The following EFHC2 variants were observed in gnomAD, a reference collection of about 807,000 sequenced individuals.
The protein encoded by EFHC2 is EF-hand domain-containing family member C2.
EFHC2 carries 18 observed loss-of-function variants against 52.7 expected under a neutral mutation model. The ratio of observed to expected loss-of-function variants is 0.34; its 90% confidence interval spans 0.24 to 0.51. EFHC2 has a LOEUF of 0.51. Among genes scored for constraint, EFHC2 ranks in the 20% least tolerant of loss-of-function variants. The probability of loss-of-function intolerance (pLI) is 0.97; values close to 1 mark genes in which losing one functional copy is unlikely to be tolerated. For synonymous variants in EFHC2, 203 were observed against 204.1 expected (o/e 0.99, Z 0.04); for missense variants, 513 against 562.5 (o/e 0.91, Z 0.89).
intron 2 of EFHC2, among the ~76,000 whole-genome samples, chrX:44,308,097 C>T (rs185700738): frequency 9.0e-6 from 1 of 111,507 alleles, no homozygotes. Context: ...GTATGAACTA[C>T]AGGTAAAATC....
At chrX:44,252,304 T>A (rs775694568) in intron 4 of EFHC2, among the ~76,000 whole-genome samples, 1 of 111,949 alleles carries the variant, frequency 8.9e-6, no homozygotes, top group Non-Finnish European at 1.9e-5. Context: ...TATAAGGAAG[T>A]GCACACTGAC....
intron 10 of EFHC2, among the ~76,000 whole-genome samples, chrX:44,231,747 C>T (rs2037279346): frequency 8.9e-6 from 1 of 111,868 alleles, no homozygotes; most frequent in Admixed American, 9.4e-5. Flanking sequence ...TAAATATTAT[C>T]ACTTATAGGT....
intron 2 of EFHC2, among the ~76,000 whole-genome samples, chrX:44,303,716 G>A (rs1394461522): frequency 9.1e-6 from 1 of 109,558 alleles, no homozygotes; most frequent in Admixed American, 9.8e-5. Context: ...AAATCATAGA[G>A]TCACACAGCT....
intron 2 of EFHC2, chrX:44,284,155 C>T (rs1292618485): frequency 2.7e-5 from 3 of 111,918 alleles, no homozygotes; most frequent in Non-Finnish European, 5.6e-5. Flanking sequence ...AATTCTTTCT[C>T]CTCCTTCTCC....
At position 44,313,060 on chromosome X, in the gene EFHC2, G is replaced by A. The variant is rs954863312; in HGVS notation, c.43-304C>T. Reference sequence around the variant, plus strand: ...TATTTAGAACATTAGCTTGCTAATTGGTCTTTCCTACTTGTTTGCCAAGAA... The same window carrying A: ...TATTTAGAACATTAGCTTGCTAATTAGTCTTTCCTACTTGTTTGCCAAGAA... On this transcript the variant is annotated intron_variant, in intron 1 of 14. Coordinates refer to ENST00000420999, the MANE Select transcript of EFHC2 (RefSeq NM_025184.4). Among the ~76,000 whole-genome samples the A allele has an allele frequency of 9.5e-5, 10 of 105,181 alleles. No individual in the cohort carries two copies. In the East Asian group the frequency reaches 1.2e-3, roughly 12 times the overall value. The allele number at this position is 105,181 out of a possible 115,157, so 91.3% of individuals were successfully genotyped here. A position where few individuals can be genotyped will look rare whatever the true frequency, so the allele number is the denominator to read the frequency against.
At chrX:44,339,155 C>A (rs920456859) in intron 1 of EFHC2, among the ~76,000 whole-genome samples, 1 of 100,146 alleles carries the variant, frequency 1.0e-5, no homozygotes, top group Non-Finnish European at 2.0e-5. Context: ...GGCGCCATTG[C>A]GCTCCAGCCT....
chrX:44,188,146 A>ATT (rs369956826), intron 11 of EFHC2, among the ~76,000 whole-genome samples: 30,602 of 95,093 alleles, frequency 0.32, 4,242 homozygotes, highest in Middle Eastern at 0.37. Context: ...ACGCCCAGCA[A>ATT]TTTTTTTTTT....
At chrX:44,241,871 T>C (rs777541305) in intron 8 of EFHC2, among the ~76,000 whole-genome samples, 1 of 112,137 alleles carries the variant, frequency 8.9e-6, no homozygotes, top group African/African-American at 3.2e-5. Context: ...TAGATAGATA[T>C]GGAAAGGCAA....
chrX:44,268,778 C>A (rs1174969506), intron 3 of EFHC2, among the ~76,000 whole-genome samples: 1 of 112,173 alleles, frequency 8.9e-6, no homozygotes, highest in Non-Finnish European at 1.9e-5. Context: ...TCTTGCCAAT[C>A]TTTAAAAACT....
At chrX:44,282,441 TAA>T (rs765313542) in intron 2 of EFHC2, among the ~76,000 whole-genome samples, 5 of 65,348 alleles carry the variant, frequency 7.7e-5, no homozygotes, top group Non-Finnish European at 8.9e-5. Context: ...CCGTCTCTAC[TAA>T]AAAAAAAAAA....
chrX:44,214,834 A>G (rs1385049482), intron 11 of EFHC2, among the ~76,000 whole-genome samples: 1 of 112,204 alleles, frequency 8.9e-6, no homozygotes. Context: ...GAAATGAATG[A>G]CAGCAATGAT....
intron 11 of EFHC2, among the ~76,000 whole-genome samples, chrX:44,192,409 T>C (rs1312649912): frequency 9.0e-6 from 1 of 111,611 alleles, no homozygotes; most frequent in African/African-American, 3.3e-5. Flanking sequence ...ATGGTGGTAT[T>C]TTTAAGCGTT....
In EFHC2 at chrX:44,316,602, A is replaced by T. The variant is rs1018374536; in HGVS notation, c.43-3846T>A. Among the ~76,000 whole-genome samples, 3 of 112,288 alleles carry T rather than the reference A, an allele frequency of 2.7e-5. No individual in the cohort carries two copies. In the South Asian group the frequency reaches 1.1e-3, roughly 42 times the overall value. On this transcript the variant is annotated intron_variant, in intron 1 of 14. Coordinates refer to ENST00000420999, the MANE Select transcript of EFHC2 (RefSeq NM_025184.4). ...GTGAGGTGGCTCAAGCCTGTATCCC[A>T]GCAACACTTTAAGAGGCTAAGCTGG... is the stretch of plus-strand genomic sequence containing the variant.
At chrX:44,274,866 T>C (rs997126087) in intron 2 of EFHC2, among the ~76,000 whole-genome samples, 6 of 111,247 alleles carry the variant, frequency 5.4e-5, no homozygotes, top group Non-Finnish European at 1.1e-4. Flanking sequence ...CACTCCAGCC[T>C]GGGTGAGAGA....
At position 44,340,423 on chromosome X, in the gene EFHC2, G is replaced by A. The variant is rs758001900; in HGVS notation, c.42+3124C>T. ...TCCCAGCACTTTGGGAGGCTGAGGC[G>A]GGCGGATCGCCTGAAGTCAGGAGTT... On this transcript the variant is annotated intron_variant, in intron 1 of 14. Transcript: ENST00000420999. 9.9e-5 allele frequency among the ~76,000 whole-genome samples: 11 copies of A among 110,794 alleles called. No homozygotes were observed. In the East Asian group the frequency reaches 2.3e-3, roughly 23 times the overall value.
chrX:44,251,218 G>A (rs1330096947), intron 4 of EFHC2, among the ~76,000 whole-genome samples: 1 of 73,403 alleles, frequency 1.4e-5, no homozygotes, highest in Non-Finnish European at 2.3e-5. Context: ...CAGCCCGGGC[G>A]ACAGAGTGAG....
At chrX:44,288,548 T>C (rs2037770137) in intron 2 of EFHC2, among the ~76,000 whole-genome samples, 1 of 111,397 alleles carries the variant, frequency 9.0e-6, no homozygotes, top group African/African-American at 3.3e-5. Flanking sequence ...ATTCCAGCAT[T>C]GTACTTAAGT....
chrX:44,250,314 A>G lies in EFHC2; in HGVS notation c.738T>C (p.Arg246=), dbSNP rs1569293561. Residue 246 remains arginine, a synonymous_variant, in exon 5 of 15, where the codon CGT becomes CGC. Transcript: ENST00000420999. The stretch of plus-strand genomic sequence containing the variant: ...AGAAGTAATGCAGGATGAGTTCTCT[A>G]CGGTCTCCAAACATTGAGACTGAGT... ...WDDSVSMFGD[R]RELILHYFLC... 2 of 1,211,339 alleles carry G rather than the reference A, an allele frequency of 1.7e-6. No homozygotes were observed. Among genetic ancestry groups the G allele is most frequent in the Non-Finnish European group, 2.2e-6 (2 of 895,320 alleles).
intron 12 of EFHC2, among the ~76,000 whole-genome samples, 159 bp from the exon 13 acceptor site, chrX:44,176,543 ACATTT>A (rs2036788900): frequency 8.9e-6 from 1 of 112,387 alleles, no homozygotes. Context: ...AAGAACAGTC[ACATTT>A]CATTTCATCA....
Sources: allele counts gnomAD v4.1 joint callset (sites outside exome capture counted in the v4.1 genomes callset), GRCh38; gene constraint gnomAD v4.1.1; transcripts MANE v1.5; gene names NCBI Gene and HGNC (gene_info 2026-07-23, HGNC 2026-07-21).